FAM107B: variants seen among roughly 807,000 people sequenced by gnomAD.
The protein encoded by FAM107B is family with sequence similarity 107 member B, also known as protein FAM107B.
In FAM107B, 21 loss-of-function variants were observed where a neutral mutation model predicts 31.5. The observed-to-expected ratio is 0.67, with a 90% CI of 0.47 to 0.96. The LOEUF is 0.96. FAM107B is among the 40% of genes least tolerant of loss of function. The probability of loss-of-function intolerance (pLI) is 0.00; values close to 1 mark genes in which losing one functional copy is unlikely to be tolerated. For missense variants in FAM107B, 452 were observed against 377.1 expected, an observed-to-expected ratio of 1.20 and a Z score of -1.64; for synonymous variants, 157 against 141.5, an observed-to-expected ratio of 1.11 and a Z score of -0.78.
intron 1 of FAM107B, among the ~76,000 whole-genome samples, chr10:14,685,838 T>C (rs936642649): frequency 6.6e-6 from 1 of 151,600 alleles, no homozygotes; most frequent in South Asian, 2.1e-4. Flanking sequence ...AGGAAAGAGG[T>C]TTAATGGACT....
At chr10:14,531,703 G>A (rs564288261) in intron 2 of FAM107B, among the ~76,000 whole-genome samples, 16 of 152,096 alleles carry the variant, frequency 1.1e-4, no homozygotes, top group Admixed American at 3.3e-4. Flanking sequence ...ATAGCCAGGC[G>A]TGGTGGCGTA....
chr10:14,555,840 AT>A (rs1477767593), intron 2 of FAM107B: 1 of 152,082 alleles, frequency 6.6e-6, no homozygotes, highest in Non-Finnish European at 1.5e-5. Flanking sequence ...GGCCTAGGCA[AT>A]CAGAGGTCCT....
intron 2 of FAM107B, chr10:14,554,265 C>CTGTGA: frequency 1.9e-5 from 8 of 426,004 alleles, no homozygotes; most frequent in Non-Finnish European, 2.2e-5. Context: ...CAGTTCACAG[C>CTGTGA]ACTGCAGGCA....
At chr10:14,764,505 C>T (rs549166505) in intron 1 of FAM107B, among the ~76,000 whole-genome samples, 32 of 152,310 alleles carry the variant, frequency 2.1e-4, no homozygotes, top group South Asian at 1.2e-3. Context: ...ATTCCCCTTC[C>T]TCTAACTGCC....
intron 2 of FAM107B, among the ~76,000 whole-genome samples, chr10:14,570,619 T>G (rs913987751): frequency 1.3e-5 from 2 of 152,060 alleles, no homozygotes; most frequent in African/African-American, 4.8e-5. Flanking sequence ...CTGGCCAACA[T>G]GGTGAAACCT....
intron 2 of FAM107B, among the ~76,000 whole-genome samples, chr10:14,570,679 G>A (rs1332708771): frequency 6.6e-6 from 1 of 152,044 alleles, no homozygotes; most frequent in Non-Finnish European, 1.5e-5. Flanking sequence ...GCGAGTTCCT[G>A]TAATCCCAGC....
intron 2 of FAM107B, among the ~76,000 whole-genome samples, chr10:14,552,860 G>A (rs1239821541): frequency 6.6e-6 from 1 of 151,956 alleles, no homozygotes; most frequent in Non-Finnish European, 1.5e-5. Context: ...TGTAATGCTT[G>A]TTGTGACCCA....
At chr10:14,548,572 G>A (rs990278132) in intron 2 of FAM107B, 194 of 985,310 alleles carry the variant, frequency 2.0e-4, no homozygotes, top group Non-Finnish European at 2.3e-4. Flanking sequence ...TGCCTCAGCT[G>A]CCCCAGATAC....
chr10:14,526,431 C>A (rs950619052), intron 3 of FAM107B, among the ~76,000 whole-genome samples: 1 of 152,198 alleles, frequency 6.6e-6, no homozygotes, highest in Non-Finnish European at 1.5e-5. Context: ...CTGCCTCGGC[C>A]TCCCAGAGTG....
intron 1 of FAM107B, among the ~76,000 whole-genome samples, chr10:14,756,110 T>C (rs1832925070): frequency 6.6e-6 from 1 of 152,204 alleles, no homozygotes; most frequent in Admixed American, 6.5e-5. Context: ...TAAATGTTTA[T>C]TGAACAAATT....
chr10:14,605,348 AC>A (rs11361431), intron 2 of FAM107B, among the ~76,000 whole-genome samples: 12,790 of 152,288 alleles, frequency 0.084, 622 homozygotes, highest in East Asian at 0.18. Context: ...CACAGCAGGT[AC>A]AAAATCAGGG....
At chr10:14,583,468 G>A (rs111751520) in intron 2 of FAM107B, among the ~76,000 whole-genome samples, 208 of 152,218 alleles carry the variant, frequency 1.4e-3, no homozygotes, top group African/African-American at 4.7e-3. Context: ...TCACCTTAGC[G>A]GGAAGTCACC....
At chr10:14,592,730 G>A (rs1186638695) in intron 2 of FAM107B, among the ~76,000 whole-genome samples, 4 of 152,168 alleles carry the variant, frequency 2.6e-5, no homozygotes, top group African/African-American at 4.8e-5. Flanking sequence ...AGTCAGAAGC[G>A]ATTCTGGAAT....
chr10:14,656,851 G>A (rs531711170), intron 2 of FAM107B, among the ~76,000 whole-genome samples: 5 of 152,308 alleles, frequency 3.3e-5, no homozygotes, highest in Non-Finnish European at 4.4e-5. Context: ...CCTGGTAACC[G>A]GTAACTGGTT....
chr10:14,555,894 A>AACACACACACAC (rs56270507), intron 2 of FAM107B: 7,390 of 148,120 alleles, frequency 0.05, 253 homozygotes, highest in East Asian at 0.11. Context: ...AGACATCTTT[A>AACACACACACAC]ACACACACAC....
chr10:14,564,328 C>A (rs1850486306), intron 2 of FAM107B, among the ~76,000 whole-genome samples: 1 of 151,848 alleles, frequency 6.6e-6, no homozygotes, highest in South Asian at 2.1e-4. Context: ...GGGTAGAATT[C>A]TTCCTCTTCC....
intron 1 of FAM107B, among the ~76,000 whole-genome samples, chr10:14,717,754 C>CCA (rs1855813567): frequency 1.4e-5 from 1 of 69,954 alleles, no homozygotes; most frequent in Admixed American, 1.5e-4. Flanking sequence ...CAACCCCCTC[C>CCA]CAGACACCCA....
intron 1 of FAM107B, among the ~76,000 whole-genome samples, chr10:14,732,872 T>C (rs1286955388): frequency 6.8e-6 from 1 of 146,858 alleles, no homozygotes; most frequent in East Asian, 2.0e-4. Context: ...ATATTAATAT[T>C]ATATAATACA....
intron 1 of FAM107B, among the ~76,000 whole-genome samples, chr10:14,698,814 T>G (rs11259283): frequency 0.26 from 39,558 of 152,124 alleles, 5,597 homozygotes; most frequent in Middle Eastern, 0.4. Context: ...CACAAATAAC[T>G]TGTTTGGAGT....
Sources: allele counts gnomAD v4.1 joint callset (sites outside exome capture counted in the v4.1 genomes callset), GRCh38; gene constraint gnomAD v4.1.1; transcripts MANE v1.5; gene names NCBI Gene and HGNC (gene_info 2026-07-23, HGNC 2026-07-21).